The following TRIM45 variants were observed in gnomAD, a reference collection of about 807,000 sequenced individuals.
TRIM45 encodes tripartite motif containing 45, also known as E3 ubiquitin-protein ligase TRIM45.
A neutral mutation model predicts 46.7 loss-of-function variants in TRIM45; 45 were observed. The ratio of observed to expected loss-of-function variants is 0.96; its 90% CI spans 0.76 to 1.24. The LOEUF (loss-of-function observed/expected upper bound fraction) is 1.24. Ranked by LOEUF, TRIM45 falls within the 50% of genes most tolerant of loss-of-function variation. The probability of loss-of-function intolerance (pLI) is 0.00; values close to 1 mark genes in which losing one functional copy is unlikely to be tolerated. For synonymous variants in TRIM45, 259 were observed against 285.8 expected, an observed-to-expected ratio of 0.91 and a Z score of 0.94; for missense variants, 680 against 728.4, an observed-to-expected ratio of 0.93 and a Z score of 0.77.
Position 117,118,277 on chromosome 1 carries a change from C to T in TRIM45, c.979G>A (p.Gly327Arg). 6.2e-7 allele frequency: 1 copy of T among 1,614,214 alleles called. No homozygotes were observed. The highest frequency in any genetic ancestry group is 2.2e-5 in the East Asian group (1 of 44,886). Reference protein sequence around the residue: ...LEQLLADMRTGVEFTEHLLTS... With the variant: ...LEQLLADMRTRVEFTEHLLTS... ...AGCAAGTGCTCGGTGAACTCCACTC[C>T]AGTCCGCATGTCTGCCAGTAACTGT... Residue 327 changes from glycine (G) to arginine (R), a missense_variant, in exon 2 of 6, where the codon GGA becomes AGA. By Grantham distance (125) the Gly-to-Arg change is moderately radical (BLOSUM62 -2). Around this residue, in one of 3 missense-constraint regions of TRIM45, gnomAD observed 322 missense variants for 359.3 expected, o/e 0.90. Transcript: ENST00000256649. The surrounding 1 kb of genome is among the most constrained non-coding windows in gnomAD (Gnocchi z 5.7).
chr1:117,119,028 G>T (rs1650521733), intron 1 of TRIM45, among the ~76,000 whole-genome samples: 1 of 152,234 alleles, frequency 6.6e-6, no homozygotes, highest in Admixed American at 6.5e-5. Context: ...TATGCAGAAG[G>T]TTGCAAGACT....
intron 1 of TRIM45, among the ~76,000 whole-genome samples, chr1:117,119,106 T>C (rs546537547): frequency 4.0e-4 from 61 of 152,212 alleles, no homozygotes; most frequent in Non-Finnish European, 7.2e-4. Context: ...TAAGGTAAGC[T>C]AGCAGTGAGG....
chr1:117,121,997 G>T, upstream of TRIM45: 1 of 581,234 alleles, frequency 1.7e-6, no homozygotes. The surrounding 1 kb of genome is among the most constrained non-coding windows in gnomAD (Gnocchi z 4.2). Context: ...CGGAGCGAGC[G>T]GCATAGTGTA....
In TRIM45 at chr1:117,120,724, G is replaced by GGCA. The variant is rs1443876860; in HGVS notation, c.475_477dup (p.Cys159dup). ...GTGTCCCATCTTTACCTATGAGCCTGGCAGCAGAAGTGGCAGAGGTTGGCT... is the reference window on the plus strand; with the variant it reads ...GTGTCCCATCTTTACCTATGAGCCTGGCAGCAGCAGAAGTGGCAGAGGTTGGCT... On this transcript the variant is annotated inframe_insertion, in exon 1 of 6. Coordinates refer to ENST00000256649, the MANE Select transcript of TRIM45 (RefSeq NM_025188.4). The GGCA allele has an allele frequency of 6.2e-7, 1 of 1,605,582 alleles. No individual in the cohort carries two copies. The highest frequency in any genetic ancestry group is 1.3e-5 in the African/African-American group (1 of 74,806).
At position 117,116,536 on chromosome 1, in the gene TRIM45, G is replaced by T; in HGVS notation, c.1352+80C>A. 1.9e-6 allele frequency: 3 copies of T among 1,560,280 alleles called. No homozygotes were observed. Among genetic ancestry groups the T allele is most frequent in the Non-Finnish European group, 2.6e-6 (3 of 1,148,478 alleles). ...TTACAGGCATGAGCCACTGTGCCCA[G>T]CTCCAATATCTTAAAGGACCTCATG... is the stretch of plus-strand genomic sequence containing the variant. On this transcript the variant is annotated intron_variant, in intron 3 of 5. Transcript: ENST00000256649. This position sits in a 1 kb window ranked among gnomAD's most constrained non-coding sequence, Gnocchi z 4.6.
intron 1 of TRIM45, among the ~76,000 whole-genome samples, chr1:117,119,811 G>A (rs1479239172): frequency 6.6e-6 from 1 of 152,166 alleles, no homozygotes; most frequent in Non-Finnish European, 1.5e-5. Context: ...AGTGGCTGCA[G>A]AGAAAATAGG....
rs771033033 is a variant in TRIM45, at chr1:117,113,462, C to G, written c.1491G>C (p.Val497=). The change falls in exon 5 of 6, where the codon GTG becomes GTC. Residue 497 remains valine, a synonymous_variant. Coordinates refer to ENST00000256649, the MANE Select transcript of TRIM45 (RefSeq NM_025188.4). The surrounding 1 kb of genome is among the most constrained non-coding windows in gnomAD (Gnocchi z 4.0). ...HVQGSPFTVM[V]RRKHRPHSGV... ...CTGAGTGTGGGCGGTGCTTTCTCCT[C>G]ACCATCACAGTGAATGGCGAGCCCT... 5 of 1,612,774 alleles carry G rather than the reference C, an allele frequency of 3.1e-6. No homozygotes were observed. In the Admixed American group the frequency reaches 6.7e-5, roughly 22 times the overall value.
chr1:117,114,500 T>G (rs567037352), intron 4 of TRIM45, among the ~76,000 whole-genome samples: 2 of 152,344 alleles, frequency 1.3e-5, no homozygotes, highest in South Asian at 4.1e-4. Flanking sequence ...CCTATCCTTA[T>G]GTGAGAGCCA....
upstream of TRIM45, chr1:117,122,276 C>T (rs1042500914): frequency 1.9e-5 from 3 of 157,126 alleles, no homozygotes; most frequent in African/African-American, 2.4e-5. Context: ...TTTGAGGCTG[C>T]GAGGCTCCCC....
chr1:117,114,395 C>A (rs180881091), intron 4 of TRIM45, among the ~76,000 whole-genome samples: 1 of 152,244 alleles, frequency 6.6e-6, no homozygotes, highest in Non-Finnish European at 1.5e-5. Context: ...TCACTGCAGC[C>A]TTGAGCTCCT....
In TRIM45 at chr1:117,111,251, T is replaced by C. The variant is rs1172891759; in HGVS notation, c.*1054A>G. 1 of 152,204 alleles carries C rather than the reference T, an allele frequency of 6.6e-6. No homozygotes were observed. Among genetic ancestry groups the C allele is most frequent in the Admixed American group, 6.5e-5 (1 of 15,278 alleles). 9.4% of individuals were successfully genotyped at this position (152,204 alleles called of 1,614,324 possible). A position where few individuals can be genotyped will look rare whatever the true frequency, so the allele number is the denominator to read the frequency against. The stretch of plus-strand genomic sequence containing the variant: ...CACAGTAAGAGTCAAAGCTCCCAGT[T>C]AACTTTCTAGGTATATAGATAACAG... On this transcript the variant is annotated 3_prime_UTR_variant, in exon 6 of 6. Coordinates refer to ENST00000256649, the MANE Select transcript of TRIM45 (RefSeq NM_025188.4).
In TRIM45 at chr1:117,118,428, A is replaced by T; in HGVS notation, c.828T>A (p.Asp276Glu). The change falls in exon 2 of 6, where the codon GAT (aspartate) becomes GAA (glutamate). Residue 276 changes from aspartate (D) to glutamate (E), a missense_variant. Physicochemically the swap from Asp to Glu is conservative, Grantham distance 45. Coordinates refer to ENST00000256649, the MANE Select transcript of TRIM45 (RefSeq NM_025188.4). The surrounding 1 kb of genome is among the most constrained non-coding windows in gnomAD (Gnocchi z 5.7). ...TGTAGCCCTCCGAGAATGTCCGGACATCAGCTGCCACTGCCTCCACTCGCT... is the reference window on the plus strand; with the variant it reads ...TGTAGCCCTCCGAGAATGTCCGGACTTCAGCTGCCACTGCCTCCACTCGCT... ...LQKRVEAVAADVRTFSEGYIK... is the reference protein window; with the variant it reads ...LQKRVEAVAAEVRTFSEGYIK... 20 of 1,614,048 alleles carry T rather than the reference A, an allele frequency of 1.2e-5. No homozygotes were observed. Among genetic ancestry groups the T allele is most frequent in the Non-Finnish European group, 1.7e-5 (20 of 1,180,000 alleles).
Position 117,120,822 on chromosome 1 carries a change from C to T in TRIM45, c.380G>A (p.Arg127His). 1 of 1,614,214 alleles carries T rather than the reference C, an allele frequency of 6.2e-7. No individual in the cohort carries two copies. The highest frequency in any genetic ancestry group is 8.5e-7 in the Non-Finnish European group (1 of 1,180,044). Residue 127 changes from arginine to histidine, a missense_variant, in exon 1 of 6, where the codon CGT becomes CAT. Transcript: ENST00000256649. ...AVNDVMLESL[R>H]GEGQGLVCDL... ...ACACACCAGGCCCTGGCCTTCCCCA[C>T]GTAGGCTCTCCAGCATCACATCATT...
chr1:117,121,753 T>C, upstream of TRIM45: 1 of 673,384 alleles, frequency 1.5e-6, no homozygotes, highest in Non-Finnish European at 2.7e-6. This position sits in a 1 kb window ranked among gnomAD's most constrained non-coding sequence, Gnocchi z 4.2. Flanking sequence ...CTCTGGCCCC[T>C]CCTCACACCA....
At chr1:117,119,004 G>A (rs1010069697) in intron 1 of TRIM45, among the ~76,000 whole-genome samples, 2 of 152,222 alleles carry the variant, frequency 1.3e-5, no homozygotes, top group Non-Finnish European at 2.9e-5. Flanking sequence ...TAGGGCTCTG[G>A]CTGGCTACAT....
chr1:117,117,801 T>C lies in TRIM45; in HGVS notation c.1222+233A>G, dbSNP rs1327197908. Reference sequence around the variant, plus strand: ...TGATCTGTGTGTTTCTCAGCCATTATTACTTCTCTGAACTGGAAAAGGGTC... The same window carrying C: ...TGATCTGTGTGTTTCTCAGCCATTACTACTTCTCTGAACTGGAAAAGGGTC... On this transcript the variant is annotated intron_variant, in intron 2 of 5. Transcript: ENST00000256649. This position sits in a 1 kb window ranked among gnomAD's most constrained non-coding sequence, Gnocchi z 4.9. Among the ~76,000 whole-genome samples the C allele has an allele frequency of 1.3e-5, 2 of 152,196 alleles. No homozygotes were observed. The highest frequency in any genetic ancestry group is 6.5e-5 in the Admixed American group (1 of 15,280).
rs908238800 is a variant in TRIM45, at chr1:117,116,181, C to T, written c.1352+435G>A. Among the ~76,000 whole-genome samples, 1 of 151,816 alleles carries T rather than the reference C, an allele frequency of 6.6e-6. No homozygotes were observed. The highest frequency in any genetic ancestry group is 2.4e-5 in the African/African-American group (1 of 41,310). ...CAAGAAAACACATTTGGTCACGTAA[C>T]GTTTCATAGTATTATGGGGAGGTAA... On this transcript the variant is annotated intron_variant, in intron 3 of 5. Coordinates refer to ENST00000256649, the MANE Select transcript of TRIM45 (RefSeq NM_025188.4). This position sits in a 1 kb window ranked among gnomAD's most constrained non-coding sequence, Gnocchi z 4.6.
At chr1:117,122,920 G>A (rs1188889209), upstream of TRIM45, among the ~76,000 whole-genome samples, 2 of 151,404 alleles carry the variant, frequency 1.3e-5, no homozygotes, top group African/African-American at 4.9e-5. Flanking sequence ...TACTTAATTT[G>A]TACCCAGTGG....
intron 5 of TRIM45, 37 bp from the exon 6 acceptor site, chr1:117,112,490 A>G (rs962330998): frequency 5.1e-6 from 8 of 1,574,386 alleles, no homozygotes; most frequent in African/African-American, 1.4e-5. Context: ...AAAATCAACC[A>G]TTAGCGTGGA....
Sources: allele counts gnomAD v4.1 joint callset (sites outside exome capture counted in the v4.1 genomes callset), GRCh38; gene constraint gnomAD v4.1.1; regional missense constraint gnomAD v4.1.1; non-coding constraint Gnocchi (gnomAD v3.1); transcripts MANE v1.5; gene names NCBI Gene and HGNC (gene_info 2026-07-23, HGNC 2026-07-21).